Variants in ZNF131 observed in about 807,000 individuals in gnomAD.
ZNF131 encodes the protein zinc finger protein 131.
In ZNF131, 7 loss-of-function variants were observed where a neutral mutation model predicts 60.0. The observed-to-expected ratio is 0.12, with a 90% CI of 0.07 to 0.22. The LOEUF (loss-of-function observed/expected upper bound fraction) is 0.22, where lower values mean the gene tolerates loss of function less well. Among genes scored for constraint, ZNF131 ranks in the 10% least tolerant of loss-of-function variants. The pLI, the probability that ZNF131 is intolerant of heterozygous loss-of-function variation, is 1.00. For missense variants in ZNF131, 493 were observed against 740.9 expected, an observed-to-expected ratio of 0.67 and a Z score of 3.88; for synonymous variants, 257 against 253.2, an observed-to-expected ratio of 1.01 and a Z score of -0.14.
chr5:43,130,264 CAAA>C lies in ZNF131; in HGVS notation c.226+6970_226+6972del, dbSNP rs570313526. 2.8e-4 allele frequency among the ~76,000 whole-genome samples: 19 copies of C among 68,388 alleles called. No individual in the cohort carries two copies. In the East Asian group the frequency reaches 7.7e-3, roughly 28 times the overall value. The allele number at this position is 68,388 out of a possible 152,430, so 44.9% of individuals were successfully genotyped here. On this transcript the variant is annotated intron_variant, in intron 3 of 6. Coordinates refer to ENST00000682664, the MANE Select transcript of ZNF131 (RefSeq NM_001330707.2). The stretch of plus-strand genomic sequence containing the variant: ...GAGCGATAGAGTAAGACTCTGTCTC[CAAA>C]AAAAAAAAAAAAAAAGAGGAAAGTA...
At chr5:43,151,741 C>T (rs966661769) in intron 4 of ZNF131, among the ~76,000 whole-genome samples, 5 of 151,610 alleles carry the variant, frequency 3.3e-5, no homozygotes, top group Admixed American at 6.6e-5. Flanking sequence ...TGCCAGTCAT[C>T]GTATTTTTGT....
chr5:43,129,733 C>T (rs575126750), intron 3 of ZNF131, among the ~76,000 whole-genome samples: 2 of 152,222 alleles, frequency 1.3e-5, no homozygotes, highest in East Asian at 2.0e-4. Context: ...CGGCTCACTA[C>T]AGCCTCTGCC....
intron 4 of ZNF131, among the ~76,000 whole-genome samples, chr5:43,149,741 T>A (rs1748067661): frequency 6.6e-6 from 1 of 152,130 alleles, no homozygotes; most frequent in African/African-American, 2.4e-5. Flanking sequence ...GGCTGGTGGG[T>A]ATATGGTGAT....
At position 43,155,858 on chromosome 5, in the gene ZNF131, A is replaced by T. The variant is rs1561428225; in HGVS notation, c.372-5391A>T. ...TGAAATTTGCTGGGGTTTATCAGCA[A>T]CCCCTGCTGATGGAGGTGTGATAAC... On this transcript the variant is annotated intron_variant, in intron 4 of 6. Transcript: ENST00000682664. Among the ~76,000 whole-genome samples, 4 of 151,972 alleles carry T rather than the reference A, an allele frequency of 2.6e-5. No homozygotes were observed. In the South Asian group the frequency reaches 8.3e-4, roughly 32 times the overall value.
Position 43,175,163 on chromosome 5 carries a change from C to T in ZNF131, c.*30C>T, listed in dbSNP as rs770705632. 60 of 1,555,882 alleles carry T rather than the reference C, an allele frequency of 3.9e-5. No homozygotes were observed. The highest frequency in any genetic ancestry group is 3.6e-4 in the Admixed American group (19 of 52,120). ...ACACATGAATATATTTTTAAATTTA[C>T]TTGTTGGGTTTTTGAACTGATTATG... is the stretch of plus-strand genomic sequence containing the variant. On this transcript the variant is annotated 3_prime_UTR_variant, in exon 7 of 7. Transcript: ENST00000682664.
intron 3 of ZNF131, among the ~76,000 whole-genome samples, chr5:43,136,659 T>C (rs917766119): frequency 6.8e-6 from 1 of 147,710 alleles, no homozygotes; most frequent in African/African-American, 2.5e-5. Context: ...TCTTTTTTTT[T>C]TTTTTTTAGT....
chr5:43,139,415 A>AT, intron 4 of ZNF131, 106 bp downstream of exon 4: 5 of 1,167,464 alleles, frequency 4.3e-6, no homozygotes, highest in Non-Finnish European at 5.6e-6. Context: ...AGAGTTCTTC[A>AT]GAAGAATTAA....
chr5:43,161,270 C>G lies in ZNF131; in HGVS notation c.393C>G (p.Pro131=), dbSNP rs376781575. ...TCAGGAACAAAGAAAACTCAGCTCCCTTAGAGGAAAATACCACAGGAAAAA... is the reference window on the plus strand; with the variant it reads ...TCAGGAACAAAGAAAACTCAGCTCCGTTAGAGGAAAATACCACAGGAAAAA... ...LEVRNKENSA[P]LEENTTGKNE... Residue 131 remains proline, a synonymous_variant, in exon 5 of 7, where the codon CCC becomes CCG. Coordinates refer to ENST00000682664, the MANE Select transcript of ZNF131 (RefSeq NM_001330707.2). The G allele has an allele frequency of 2.0e-4, 325 of 1,610,128 alleles. No individual in the cohort carries two copies. The highest frequency in any genetic ancestry group is 2.7e-4 in the Non-Finnish European group (319 of 1,178,858).
intron 3 of ZNF131, chr5:43,124,636 C>G (rs1401520556): frequency 6.6e-6 from 1 of 152,038 alleles, no homozygotes; most frequent in Non-Finnish European, 1.5e-5. Flanking sequence ...TACTACAAAG[C>G]AAGCCTCCAT....
intron 5 of ZNF131, among the ~76,000 whole-genome samples, chr5:43,169,587 G>A (rs1750737742): frequency 6.6e-6 from 1 of 152,114 alleles, no homozygotes; most frequent in Admixed American, 6.5e-5. Flanking sequence ...ACATTTATGA[G>A]TATTTAAATT....
intron 4 of ZNF131, among the ~76,000 whole-genome samples, chr5:43,148,687 T>A (rs1166100347): frequency 6.6e-6 from 1 of 152,252 alleles, no homozygotes; most frequent in Non-Finnish European, 1.5e-5. Flanking sequence ...TGACTCTTGC[T>A]TTAGTCATTC....
intron 5 of ZNF131, among the ~76,000 whole-genome samples, chr5:43,172,186 A>T (rs905813396): frequency 6.6e-6 from 1 of 151,982 alleles, no homozygotes; most frequent in Admixed American, 6.5e-5. Context: ...CTTTACTTCT[A>T]CTTCTGGCTG....
At chr5:43,126,784 G>A (rs1386942817) in intron 3 of ZNF131, among the ~76,000 whole-genome samples, 1 of 152,180 alleles carries the variant, frequency 6.6e-6, no homozygotes, top group East Asian at 1.9e-4. Flanking sequence ...CCAGCCACAG[G>A]TGTGCAGACT....
rs71608692 is a variant in ZNF131, at chr5:43,160,678, C to CTTTTTTTTTTTTTTTTT, written c.372-565_372-549dup. On this transcript the variant is annotated intron_variant, in intron 4 of 6. Coordinates refer to ENST00000682664, the MANE Select transcript of ZNF131 (RefSeq NM_001330707.2). ...TCACTGTTAAATGATTAGCTTGGAA[C>CTTTTTTTTTTTTTTTTT]TTTTTTTTTTTTTTTTTTTTTTGAG... Among the ~76,000 whole-genome samples the CTTTTTTTTTTTTTTTTT allele has an allele frequency of 1.7e-4, 16 of 93,038 alleles. 1 individual carries two copies. Among genetic ancestry groups the CTTTTTTTTTTTTTTTTT allele is most frequent in the South Asian group, 4.2e-4 (1 of 2,408 alleles). The allele number at this position is 93,038 out of a possible 152,430, so 61.0% of individuals were successfully genotyped here. A position where few individuals can be genotyped will look rare whatever the true frequency, so the allele number is the denominator to read the frequency against.
chr5:43,128,865 C>T (rs1744935135), intron 3 of ZNF131, among the ~76,000 whole-genome samples: 1 of 152,020 alleles, frequency 6.6e-6, no homozygotes, highest in Non-Finnish European at 1.5e-5. Flanking sequence ...GTCCTCTCAC[C>T]TCAGCCTTCT....
Position 43,140,502 on chromosome 5 carries a change from C to CA in ZNF131, c.371+1194dup, listed in dbSNP as rs1314253000. 5.3e-5 allele frequency among the ~76,000 whole-genome samples: 8 copies of CA among 152,272 alleles called. No homozygotes were observed. In the East Asian group the frequency reaches 1.5e-3, roughly 29 times the overall value. Reference sequence around the variant, plus strand: ...GAATTAATGCATGCAAAGTGTTTAGCATGGTGTCTGGCTAAATGACTCTGA... The same window carrying CA: ...GAATTAATGCATGCAAAGTGTTTAGCAATGGTGTCTGGCTAAATGACTCTGA... On this transcript the variant is annotated intron_variant, in intron 4 of 6. Coordinates refer to ENST00000682664, the MANE Select transcript of ZNF131 (RefSeq NM_001330707.2).
intron 4 of ZNF131, among the ~76,000 whole-genome samples, chr5:43,140,034 G>A (rs1746603217): frequency 1.3e-5 from 2 of 152,032 alleles, no homozygotes; most frequent in African/African-American, 2.4e-5. Context: ...TGGGCAACAT[G>A]GTGAAACCCT....
intron 5 of ZNF131, among the ~76,000 whole-genome samples, chr5:43,166,836 T>C (rs750942815): frequency 2.0e-5 from 3 of 151,916 alleles, no homozygotes; most frequent in Non-Finnish European, 4.4e-5. Context: ...TTTTTGTATT[T>C]TTTAGTAGAG....
At position 43,175,317 on chromosome 5, in the gene ZNF131, G is replaced by C. The variant is rs1751460740; in HGVS notation, c.*184G>C. The C allele has an allele frequency of 1.4e-6, 1 of 704,244 alleles. No homozygotes were observed. The highest frequency in any genetic ancestry group is 2.4e-6 in the Non-Finnish European group (1 of 411,418). 43.6% of individuals were successfully genotyped at this position (704,244 alleles called of 1,614,324 possible). A position where few individuals can be genotyped will look rare whatever the true frequency, so the allele number is the denominator to read the frequency against. ...TCCCCCTACTTATTGCCACAGAGGA[G>C]GGATCTTTTCCATAACTGAAGGGGA... On this transcript the variant is annotated 3_prime_UTR_variant, in exon 7 of 7. Transcript: ENST00000682664.
Sources: gnomAD v4.1 joint callset for allele counts (sites outside exome capture counted in the v4.1 genomes callset) on GRCh38, gnomAD v4.1.1 for gene constraint, MANE v1.5 for transcripts, NCBI Gene and HGNC (gene_info 2026-07-23, HGNC 2026-07-21) for gene names.